The following CILP variants were observed in gnomAD, a reference collection of about 807,000 sequenced individuals.
CILP encodes cartilage intermediate layer protein.
CILP carries 75 observed loss-of-function variants against 82.5 expected under a neutral mutation model. The observed-to-expected ratio is 0.91, with a 90% CI of 0.75 to 1.10. CILP has a LOEUF of 1.10. CILP is among the 50% of genes least tolerant of loss of function. CILP has a pLI of 0.00. For synonymous variants in CILP, 530 were observed against 580.3 expected (o/e 0.91, Z 1.25); for missense variants, 1,479 against 1,530.8 (o/e 0.97, Z 0.56).
intron 2 of CILP, among the ~76,000 whole-genome samples, chr15:65,209,416 G>T (rs2088561146): frequency 6.6e-6 from 1 of 152,032 alleles, no homozygotes; most frequent in South Asian, 2.1e-4. Flanking sequence ...GGTACTCAAG[G>T]GCTAAAAATA....
chr15:65,209,747 C>T lies in CILP; in HGVS notation c.9G>A (p.Gly3=), dbSNP rs771472242. 1.9e-6 allele frequency: 3 copies of T among 1,613,834 alleles called. No homozygotes were observed. Among genetic ancestry groups the T allele is most frequent in the South Asian group, 1.1e-5 (1 of 91,050 alleles). Residue 3 remains glycine, a synonymous_variant, in exon 2 of 9, where the codon GGG becomes GGA. Coordinates refer to ENST00000261883, the MANE Select transcript of CILP (RefSeq NM_003613.4). MV[G]TKAWVFSFLV... ...GGAAGGAGAACACCCAGGCCTTGGT[C>T]CCCACCATCTTTCCCCCAAGCCCGT...
chr15:65,197,949 G>GTT lies in CILP; in HGVS notation c.2335_2336dup (p.Asn779LysfsTer158). 1 of 1,614,136 alleles carries GTT rather than the reference G, an allele frequency of 6.2e-7. No individual in the cohort carries two copies. Among genetic ancestry groups the GTT allele is most frequent in the Non-Finnish European group, 8.5e-7 (1 of 1,180,036 alleles). On this transcript the variant is annotated frameshift_variant, in exon 9 of 9. Coordinates refer to ENST00000261883, the MANE Select transcript of CILP (RefSeq NM_003613.4). LOFTEE classifies it high-confidence loss of function. Reference sequence around the variant, plus strand: ...ACAAGAAGCCAGTTCTAGGCTCCAGGTTAATCACGGAGATCACAACCCCCT... The same window carrying GTT: ...ACAAGAAGCCAGTTCTAGGCTCCAGGTTTTAATCACGGAGATCACAACCCCCT...
In CILP at chr15:65,201,176, A is replaced by G. The variant is rs111608933; in HGVS notation, c.1186+696T>C. On this transcript the variant is annotated intron_variant, in intron 8 of 8. Coordinates refer to ENST00000261883, the MANE Select transcript of CILP (RefSeq NM_003613.4). ...GCCACCATGCCTGGCTAATTTTTGTATTTTTAGTAGACACAGGGTTTCACC... is the reference window on the plus strand; with the variant it reads ...GCCACCATGCCTGGCTAATTTTTGTGTTTTTAGTAGACACAGGGTTTCACC... Among the ~76,000 whole-genome samples the G allele has an allele frequency of 4.3e-3, 660 of 151,940 alleles. 4 individuals carry two copies. The highest frequency in any genetic ancestry group is 0.015 in the African/African-American group (620 of 41,452).
intron 8 of CILP, among the ~76,000 whole-genome samples, chr15:65,201,635 AG>A (rs1176647187): frequency 2.7e-5 from 4 of 148,998 alleles, no homozygotes; most frequent in Non-Finnish European, 5.9e-5. Context: ...AGGCTGAGGC[AG>A]GAGAATCACT....
intron 2 of CILP, among the ~76,000 whole-genome samples, chr15:65,209,325 C>A (rs1284903995): frequency 6.6e-6 from 1 of 152,086 alleles, no homozygotes; most frequent in Non-Finnish European, 1.5e-5. Context: ...ACAGACCAAA[C>A]CCCAAACCTG....
At position 65,197,651 on chromosome 15, in the gene CILP, C is replaced by T; in HGVS notation, c.2635G>A (p.Ala879Thr). ...TCAGCTGAGTTGGGCCTTGGCTTGG[C>T]CATGCTAATCTGGAAAGCTGTCTTT... ...VKKTAFQISM[A>T]KPRPNSAEES... Residue 879 changes from alanine to threonine, a missense_variant, in exon 9 of 9, where the codon GCC becomes ACC. By Grantham distance (58) the Ala-to-Thr change is moderately conservative. Coordinates refer to ENST00000261883, the MANE Select transcript of CILP (RefSeq NM_003613.4). The T allele has an allele frequency of 6.2e-7, 1 of 1,614,164 alleles. No individual in the cohort carries two copies. Among genetic ancestry groups the T allele is most frequent in the Non-Finnish European group, 8.5e-7 (1 of 1,180,040 alleles).
rs1198412499 is a variant in CILP, at chr15:65,198,165, C to G, written c.2121G>C (p.Leu707=). The G allele has an allele frequency of 1.2e-6, 2 of 1,614,148 alleles. No individual in the cohort carries two copies. The highest frequency in any genetic ancestry group is 1.7e-6 in the Non-Finnish European group (2 of 1,180,054). The stretch of plus-strand genomic sequence containing the variant: ...ATTTGAAATCACCTTCCTCCTCCCA[C>G]AGCCCTGTGTCTGGATTGAGTGACC... ...KLWSLNPDTG[L]WEEEGDFKFE... is the part of the protein sequence containing the mutation. The change falls in exon 9 of 9, where the codon CTG becomes CTC. Residue 707 remains leucine, a synonymous_variant. Transcript: ENST00000261883.
intron 4 of CILP, 125 bp downstream of exon 4, chr15:65,206,657 T>C (rs948087224): frequency 1.9e-6 from 2 of 1,059,956 alleles, no homozygotes; most frequent in South Asian, 3.1e-5. Flanking sequence ...TTGTTATTAT[T>C]ACAGAGTCCA....
chr15:65,198,101 AG>A lies in CILP; in HGVS notation c.2184del (p.Phe729SerfsTer28). 1 of 1,614,204 alleles carries A rather than the reference AG, an allele frequency of 6.2e-7. No individual in the cohort carries two copies. The highest frequency in any genetic ancestry group is 2.2e-5 in the East Asian group (1 of 44,886). ...CGAATCTCCAGGTTGCCCACCAGGAAGGTTCTGTCTTCTCTTTTGTTCCTCC... is the reference window on the plus strand; with the variant it reads ...CGAATCTCCAGGTTGCCCACCAGGAAGTTCTGTCTTCTCTTTTGTTCCTCC... ...NQRRNKREDR[T>X]FLVGNLEIRE... On this transcript the variant is annotated frameshift_variant, in exon 9 of 9. Transcript: ENST00000261883. LOFTEE classifies it high-confidence loss of function.
rs1180627964 is a variant in CILP at position 65,198,449 on chromosome 15, C to T, written c.1837G>A (p.Gly613Arg). 4 of 1,614,142 alleles carry T rather than the reference C, an allele frequency of 2.5e-6. No individual in the cohort carries two copies. The African/African-American group carries it at 5.3e-5, about 22-fold the overall frequency. The change falls in exon 9 of 9, where the codon GGG (glycine) becomes AGG (arginine). Residue 613 changes from glycine (G) to arginine (R), a missense_variant. Transcript: ENST00000261883. ...IPSRSFYRQN[G>R]EPYIGKVKAS... is the part of the protein sequence containing the mutation. ...TTCACTTTTCCTATGTAGGGCTCCC[C>T]ATTCTGCCTGTAGAAACTCCTGGAT...
At position 65,195,305 on chromosome 15, in the gene CILP, T is replaced by G. The variant is rs2088348504; in HGVS notation, c.*1426A>C. On this transcript the variant is annotated 3_prime_UTR_variant, in exon 9 of 9. Transcript: ENST00000261883. ...TTTGTCCTGATTGTAAACAGTGTCC[T>G]CTCTTCTCCCAAACCCTTTGGACTC... 1 of 152,178 alleles carries G rather than the reference T, an allele frequency of 6.6e-6. No homozygotes were observed. The allele number at this position is 152,178 out of a possible 1,614,324, so 9.4% of individuals were successfully genotyped here. A position where few individuals can be genotyped will look rare whatever the true frequency, so the allele number is the denominator to read the frequency against.
intron 3 of CILP, among the ~76,000 whole-genome samples, chr15:65,207,461 C>G (rs910754373): frequency 6.6e-5 from 10 of 152,234 alleles, no homozygotes; most frequent in African/African-American, 1.9e-4. Context: ...CCCCAGCAAG[C>G]TCCACAGCAT....
chr15:65,204,174 C>T, intron 6 of CILP, 94 bp downstream of exon 6: 1 of 1,210,210 alleles, frequency 8.3e-7, no homozygotes, highest in Non-Finnish European at 1.2e-6. Context: ...GGGTTTTACT[C>T]CAAGTTAGCT....
rs1256497546 is a variant in CILP at position 65,201,931 on chromosome 15, C to A, written c.1127G>T (p.Cys376Phe). 2.5e-6 allele frequency: 4 copies of A among 1,609,352 alleles called. No homozygotes were observed. The highest frequency in any genetic ancestry group is 3.4e-6 in the Non-Finnish European group (4 of 1,178,226). ...LQQHQAGEYF[C>F]KAQSDAGAVK... ...AGCCCCAGCATCACTCTGGGCCTTG[C>A]AAAAGTACTCCCCAGCCTGGTGCTG... The change falls in exon 8 of 9, where the codon TGC becomes TTC. Residue 376 changes from cysteine (C) to phenylalanine (F), a missense_variant. Transcript: ENST00000261883.
rs756677093 is a variant in CILP, at chr15:65,197,222, G to C, written c.3064C>G (p.Arg1022Gly). The change falls in exon 9 of 9, where the codon CGC becomes GGC. Residue 1022 changes from arginine (R) to glycine (G), a missense_variant. Coordinates refer to ENST00000261883, the MANE Select transcript of CILP (RefSeq NM_003613.4). Reference protein sequence around the residue: ...GMLYDQDRVDRTLVKVIPQGS... With the variant: ...GMLYDQDRVDGTLVKVIPQGS... ...TGGGGGATGACCTTCACCAGGGTGC[G>C]GTCCACACGGTCCTGATCATAGAGC... The C allele has an allele frequency of 1.9e-6, 3 of 1,614,068 alleles. No individual in the cohort carries two copies. The South Asian group carries it at 3.3e-5, about 18-fold the overall frequency.
chr15:65,201,833 T>A, intron 8 of CILP, 39 bp downstream of exon 8: 1 of 1,434,746 alleles, frequency 7.0e-7, no homozygotes, highest in East Asian at 2.7e-5. Flanking sequence ...GCCAACCCTG[T>A]TGCAGACCCA....
Position 65,197,444 on chromosome 15 carries a change from G to T in CILP, c.2842C>A (p.Pro948Thr), listed in dbSNP as rs377336076. The change falls in exon 9 of 9, where the codon CCG (proline) becomes ACG (threonine). Residue 948 changes from proline to threonine, a missense_variant. Physicochemically the swap from Pro to Thr is conservative, Grantham distance 38. Transcript: ENST00000261883. ...TEDYLAWWPK[P>T]MEFRACYIKV... ...ATATAGCAGGCCCTGAATTCCATCG[G>T]CTTTGGCCACCATGCCAGATAGTCT... is the stretch of plus-strand genomic sequence containing the variant. 4 of 1,614,104 alleles carry T rather than the reference G, an allele frequency of 2.5e-6. No homozygotes were observed. The highest frequency in any genetic ancestry group is 1.3e-5 in the African/African-American group (1 of 74,944).
rs1428191626 is a variant in CILP at position 65,198,832 on chromosome 15, C to T, written c.1454G>A (p.Cys485Tyr). The change falls in exon 9 of 9, where the codon TGT becomes TAT. Residue 485 changes from cysteine (C) to tyrosine (Y), a missense_variant. Physicochemically the swap from Cys to Tyr is radical, Grantham distance 194. Transcript: ENST00000261883. ...CCGCACGATGCTCCGAGTTTCCGTA[C>T]ACCGCTGGCAGCTGCACTCCTTGGC... ...KVAKECSCQR[C>Y]TETRSIVRGR... 1.9e-6 allele frequency: 3 copies of T among 1,614,144 alleles called. No homozygotes were observed. Among genetic ancestry groups the T allele is most frequent in the East Asian group, 4.5e-5 (2 of 44,878 alleles).
At position 65,196,656 on chromosome 15, in the gene CILP, G is replaced by C. The variant is rs1490929809; in HGVS notation, c.*75C>G. 3.1e-6 allele frequency: 4 copies of C among 1,285,580 alleles called. No homozygotes were observed. The Admixed American group carries it at 1.0e-4, about 32-fold the overall frequency. 79.6% of individuals were successfully genotyped at this position (1,285,580 alleles called of 1,614,324 possible). ...AAACAGAAGTGCTTAAATTAACCAA[G>C]TGACAGTTTGTGCATCAGTCTCACA... On this transcript the variant is annotated 3_prime_UTR_variant, in exon 9 of 9. Transcript: ENST00000261883.
Sources: allele counts gnomAD v4.1 joint callset (sites outside exome capture counted in the v4.1 genomes callset), GRCh38; gene constraint gnomAD v4.1.1; transcripts MANE v1.5; gene names NCBI Gene and HGNC (gene_info 2026-07-23, HGNC 2026-07-21).